Variants in SDK1 observed in about 807,000 individuals in gnomAD.
The protein encoded by SDK1 is sidekick cell adhesion molecule 1.
In SDK1, 157 loss-of-function variants were observed where a neutral mutation model predicts 245.5. The ratio of observed to expected loss-of-function variants is 0.64; its 90% CI spans 0.56 to 0.73. The LOEUF is 0.73. Among genes scored for constraint, SDK1 ranks in the 30% least tolerant of loss-of-function variants. The pLI is 0.00. For synonymous variants in SDK1, 1,647 were observed against 1,278.5 expected (o/e 1.29, Z -6.15); for missense variants, 3,583 against 3,002.3 (o/e 1.19, Z -4.52).
In SDK1 at chr7:4,051,725, A is replaced by C. The variant is rs1356162266; in HGVS notation, c.2806A>C (p.Thr936Pro). The change falls in exon 19 of 45, where the codon ACG (threonine) becomes CCG (proline). Residue 936 changes from threonine (T) to proline (P), a missense_variant. Transcript: ENST00000404826. Reference protein sequence around the residue: ...DFHGVHHGHITNLKKFTAYFT... With the variant: ...DFHGVHHGHIPNLKKFTAYFT... ...CCACGGAGTCCACCATGGACACATA[A>C]CGAACCTGAAGAAGTTTACCGCCTA... The C allele has an allele frequency of 1.2e-6, 2 of 1,613,974 alleles. No individual in the cohort carries two copies. Among genetic ancestry groups the C allele is most frequent in the African/African-American group, 2.7e-5 (2 of 75,032 alleles).
At chr7:3,936,600 T>A (rs996484933) in intron 5 of SDK1, among the ~76,000 whole-genome samples, 6 of 140,084 alleles carry the variant, frequency 4.3e-5, no homozygotes, top group South Asian at 2.3e-4. Context: ...AAAAAAAAAA[T>A]TTTGGAGATG....
intron 30 of SDK1, among the ~76,000 whole-genome samples, chr7:4,150,490 C>T (rs1780287481): frequency 6.6e-6 from 1 of 152,216 alleles, no homozygotes; most frequent in Non-Finnish European, 1.5e-5. Context: ...TGCAGTCACC[C>T]AGTAAGGGGA....
intron 1 of SDK1, among the ~76,000 whole-genome samples, chr7:3,519,558 G>T (rs1365824606): frequency 7.0e-6 from 1 of 143,028 alleles, no homozygotes; most frequent in Non-Finnish European, 1.5e-5. Context: ...TGACATACAT[G>T]TACTTACCTA....
chr7:4,207,121 C>T (rs1784267044), intron 36 of SDK1, among the ~76,000 whole-genome samples: 1 of 152,242 alleles, frequency 6.6e-6, no homozygotes, highest in African/African-American at 2.4e-5. Flanking sequence ...CTACATCCTG[C>T]AGGTGGAAAT....
At chr7:4,072,482 C>T (rs972304073) in intron 20 of SDK1, among the ~76,000 whole-genome samples, 1 of 152,184 alleles carries the variant, frequency 6.6e-6, no homozygotes, top group Non-Finnish European at 1.5e-5. Flanking sequence ...ACCCTGTGCC[C>T]CCAGTGATGC....
chr7:3,612,789 T>G (rs919444827), intron 1 of SDK1, among the ~76,000 whole-genome samples: 2 of 152,288 alleles, frequency 1.3e-5, no homozygotes, highest in Non-Finnish European at 1.5e-5. Context: ...CCATTCACAC[T>G]GGCATTCTGG....
chr7:3,912,106 C>A (rs963868556), intron 5 of SDK1, among the ~76,000 whole-genome samples: 2 of 152,162 alleles, frequency 1.3e-5, no homozygotes, highest in African/African-American at 4.8e-5. Context: ...TACAGAGGAG[C>A]TTGAGCAGAG....
intron 32 of SDK1, among the ~76,000 whole-genome samples, chr7:4,170,297 A>C (rs1399152160): frequency 6.6e-6 from 1 of 152,108 alleles, no homozygotes; most frequent in Non-Finnish European, 1.5e-5. Flanking sequence ...AAATTTAAAA[A>C]TTAGCCTGGT....
chr7:4,171,815 G>A (rs984821005), intron 32 of SDK1, among the ~76,000 whole-genome samples: 24 of 152,376 alleles, frequency 1.6e-4, no homozygotes, highest in African/African-American at 5.3e-4. Flanking sequence ...GGGAGTCCTC[G>A]GACCTGGGGC....
At chr7:3,849,799 C>G (rs1043366954) in intron 5 of SDK1, among the ~76,000 whole-genome samples, 4 of 152,178 alleles carry the variant, frequency 2.6e-5, no homozygotes, top group African/African-American at 7.2e-5. Flanking sequence ...CTGTACCTAT[C>G]TGTGTAACTT....
chr7:3,638,087 C>G (rs531272360), intron 2 of SDK1, among the ~76,000 whole-genome samples: 3 of 152,322 alleles, frequency 2.0e-5, no homozygotes, highest in African/African-American at 7.2e-5. Flanking sequence ...ATTATATAAC[C>G]TTTCTCATTC....
chr7:4,236,152 C>T (rs924693577), intron 41 of SDK1, among the ~76,000 whole-genome samples: 1 of 152,210 alleles, frequency 6.6e-6, no homozygotes, highest in Non-Finnish European at 1.5e-5. Flanking sequence ...ATAGAAGCTT[C>T]GGGTGGCTGT....
chr7:4,126,611 C>G (rs1203366479), intron 25 of SDK1, among the ~76,000 whole-genome samples: 1 of 152,204 alleles, frequency 6.6e-6, no homozygotes, highest in African/African-American at 2.4e-5. Context: ...ATCCCAGCTA[C>G]TTGGGAGGCT....
chr7:3,467,027 C>CAGAG (rs1562503564), intron 1 of SDK1, among the ~76,000 whole-genome samples: 4 of 133,488 alleles, frequency 3.0e-5, no homozygotes, highest in African/African-American at 1.2e-4. Flanking sequence ...CACACACACA[C>CAGAG]ACAGAGATGT....
At chr7:4,045,199 T>G (rs1287726586) in intron 17 of SDK1, among the ~76,000 whole-genome samples, 1 of 152,162 alleles carries the variant, frequency 6.6e-6, no homozygotes, top group Non-Finnish European at 1.5e-5. Context: ...ATGTTTGCAG[T>G]TTGGGGTGAT....
chr7:3,943,354 G>A (rs978454126), intron 5 of SDK1, among the ~76,000 whole-genome samples: 1 of 4,780 alleles, frequency 2.1e-4, no homozygotes, highest in Non-Finnish European at 4.2e-4. Context: ...CTTGGCCTCT[G>A]CCTCCCCGTC....
chr7:3,336,882 G>C (rs918528040), intron 1 of SDK1, among the ~76,000 whole-genome samples: 1 of 152,180 alleles, frequency 6.6e-6, no homozygotes, highest in African/African-American at 2.4e-5. Flanking sequence ...GGTGGGGAGT[G>C]GGGGGCTAGT....
At chr7:3,822,842 T>C (rs1779679839) in intron 5 of SDK1, among the ~76,000 whole-genome samples, 1 of 150,854 alleles carries the variant, frequency 6.6e-6, no homozygotes, top group African/African-American at 2.4e-5. Context: ...CCTCGAGGGG[T>C]ACAATTGCCT....
At chr7:3,418,711 G>T (rs75828250) in intron 1 of SDK1, among the ~76,000 whole-genome samples, 3,087 of 152,162 alleles carry the variant, frequency 0.02, 100 homozygotes, top group African/African-American at 0.064. Context: ...CAGATACATC[G>T]GCGATACTGT....
Sources: gnomAD v4.1 joint callset for allele counts (sites outside exome capture counted in the v4.1 genomes callset) on GRCh38, gnomAD v4.1.1 for gene constraint, MANE v1.5 for transcripts, NCBI Gene and HGNC (gene_info 2026-07-23, HGNC 2026-07-21) for gene names.